Variants in TEAD1 observed in about 807,000 individuals in gnomAD.
TEAD1 encodes TEA domain transcription factor 1.
A neutral mutation model predicts 54.9 loss-of-function variants in TEAD1; 9 were observed. The ratio of observed to expected loss-of-function variants is 0.16; its 90% CI spans 0.10 to 0.29. The LOEUF (loss-of-function observed/expected upper bound fraction) is 0.29. Among genes scored for constraint, TEAD1 ranks in the 10% least tolerant of loss-of-function variants. The probability of loss-of-function intolerance (pLI) is 1.00; values close to 1 mark genes in which losing one functional copy is unlikely to be tolerated. For missense variants in TEAD1, 387 were observed against 535.9 expected (o/e 0.72, Z 2.74); for synonymous variants, 200 against 187.8 (o/e 1.07, Z -0.53).
In TEAD1 at chr11:12,910,279, A is replaced by G. The variant is rs148381532; in HGVS notation, c.873+8166A>G. Reference sequence around the variant, plus strand: ...AGTTTACAGAAGGAAATAAAATTACAGATTTAACCAAATAAGACATGCAAT... The same window carrying G: ...AGTTTACAGAAGGAAATAAAATTACGGATTTAACCAAATAAGACATGCAAT... On this transcript the variant is annotated intron_variant, in intron 10 of 12. Coordinates refer to ENST00000527636, the MANE Select transcript of TEAD1 (RefSeq NM_021961.6). Among the ~76,000 whole-genome samples the G allele has an allele frequency of 7.9e-3, 1,210 of 152,346 alleles. 15 individuals are homozygous for G. The highest frequency in any genetic ancestry group is 0.013 in the Admixed American group (203 of 15,308).
chr11:12,682,451 G>C (rs1943242531), intron 2 of TEAD1, among the ~76,000 whole-genome samples: 1 of 152,176 alleles, frequency 6.6e-6, no homozygotes, highest in African/African-American at 2.4e-5. Flanking sequence ...CTGTCTGGCT[G>C]CTTATAGAGG....
At chr11:12,906,714 C>G (rs771258140) in intron 10 of TEAD1, among the ~76,000 whole-genome samples, 14 of 152,202 alleles carry the variant, frequency 9.2e-5, no homozygotes, top group Non-Finnish European at 1.8e-4. Context: ...CCCCAGGCAA[C>G]TGTGGATCTA....
At chr11:12,718,585 T>C (rs1944114748) in intron 2 of TEAD1, among the ~76,000 whole-genome samples, 1 of 152,180 alleles carries the variant, frequency 6.6e-6, no homozygotes, top group African/African-American at 2.4e-5. Context: ...ACCGTTGCTT[T>C]TTTTTTTGGG....
At chr11:12,844,139 C>T (rs1380124444) in intron 3 of TEAD1, among the ~76,000 whole-genome samples, 3 of 152,114 alleles carry the variant, frequency 2.0e-5, no homozygotes, top group Non-Finnish European at 4.4e-5. Context: ...TTTCACCCAT[C>T]ATGACTTAAA....
chr11:12,835,530 AG>A (rs1946869716), intron 3 of TEAD1, among the ~76,000 whole-genome samples: 1 of 149,798 alleles, frequency 6.7e-6, no homozygotes, highest in Non-Finnish European at 1.5e-5. Flanking sequence ...AATGTTGACC[AG>A]GCTGGTCTCA....
At chr11:12,845,111 C>T (rs1947117475) in intron 3 of TEAD1, among the ~76,000 whole-genome samples, 1 of 151,656 alleles carries the variant, frequency 6.6e-6, no homozygotes, top group Non-Finnish European at 1.5e-5. Context: ...ACTACAGGCA[C>T]CCACTACCAT....
intron 3 of TEAD1, among the ~76,000 whole-genome samples, chr11:12,773,475 G>C (rs983943672): frequency 2.6e-5 from 4 of 152,186 alleles, no homozygotes; most frequent in African/African-American, 9.6e-5. Context: ...GTGTGTAATT[G>C]ATACCTCATG....
intron 3 of TEAD1, among the ~76,000 whole-genome samples, chr11:12,811,663 G>A (rs1280755604): frequency 6.6e-6 from 1 of 152,150 alleles, no homozygotes; most frequent in Non-Finnish European, 1.5e-5. Flanking sequence ...AGCTTGAGGT[G>A]GGACCCAGAA....
chr11:12,736,543 C>T (rs1246793115), intron 2 of TEAD1, among the ~76,000 whole-genome samples: 2 of 152,114 alleles, frequency 1.3e-5, no homozygotes, highest in African/African-American at 4.8e-5. Flanking sequence ...GTCTTTAAAT[C>T]TAAAAAATGT....
At chr11:12,817,633 G>C (rs1348545469) in intron 3 of TEAD1, among the ~76,000 whole-genome samples, 3 of 152,020 alleles carry the variant, frequency 2.0e-5, no homozygotes. Flanking sequence ...TAATATAATT[G>C]ATCCACTGTT....
chr11:12,934,985 C>T (rs1470690835), intron 12 of TEAD1, among the ~76,000 whole-genome samples: 1 of 152,082 alleles, frequency 6.6e-6, no homozygotes, highest in East Asian at 1.9e-4. Flanking sequence ...AAGGAGACAT[C>T]TTTCTGATTA....
At chr11:12,884,879 T>C (rs968161445) in intron 9 of TEAD1, among the ~76,000 whole-genome samples, 1 of 152,236 alleles carries the variant, frequency 6.6e-6, no homozygotes, top group Non-Finnish European at 1.5e-5. Flanking sequence ...TGCGTGACTC[T>C]GTCCTGCTGG....
chr11:12,730,097 G>T (rs1444654190), intron 2 of TEAD1, among the ~76,000 whole-genome samples: 2 of 152,120 alleles, frequency 1.3e-5, no homozygotes, highest in South Asian at 4.1e-4. Context: ...GTATCAGGAG[G>T]TTCATCATAC....
chr11:12,914,170 G>A (rs1208298450), intron 10 of TEAD1, among the ~76,000 whole-genome samples: 2 of 152,226 alleles, frequency 1.3e-5, no homozygotes, highest in Admixed American at 1.3e-4. Context: ...GGAATTTGCA[G>A]TGCAGACGGG....
Position 12,941,541 on chromosome 11 carries a change from G to A in TEAD1, c.*4319G>A, listed in dbSNP as rs1445456840. On this transcript the variant is annotated 3_prime_UTR_variant, in exon 13 of 13. Coordinates refer to ENST00000527636, the MANE Select transcript of TEAD1 (RefSeq NM_021961.6). The stretch of plus-strand genomic sequence containing the variant: ...AGATGACAGTCAATTTTACAAACCA[G>A]GTACATATTAATTTGTATAATTTTG... 6.6e-6 allele frequency: 1 copy of A among 152,480 alleles called. No homozygotes were observed. The highest frequency in any genetic ancestry group is 1.5e-5 in the Non-Finnish European group (1 of 68,026). 9.4% of individuals were successfully genotyped at this position (152,480 alleles called of 1,614,324 possible).
At chr11:12,756,011 A>G (rs1944977391) in intron 2 of TEAD1, among the ~76,000 whole-genome samples, 1 of 152,214 alleles carries the variant, frequency 6.6e-6, no homozygotes, top group African/African-American at 2.4e-5. Context: ...GCTGCATAGC[A>G]TGAAATCAAT....
At position 12,786,887 on chromosome 11, in the gene TEAD1, A is replaced by G. The variant is rs1270651799; in HGVS notation, c.202+22453A>G. On this transcript the variant is annotated intron_variant, in intron 3 of 12. Transcript: ENST00000527636. ...ATGAGGGATTGAGGGGATAAGCCAG[A>G]CAGACATTTGCAGAAGAGTCTTCTA... 2.0e-5 allele frequency among the ~76,000 whole-genome samples: 3 copies of G among 152,344 alleles called. No individual in the cohort carries two copies. The East Asian group carries it at 5.8e-4, about 29-fold the overall frequency.
chr11:12,887,257 C>T (rs927844814), intron 9 of TEAD1, among the ~76,000 whole-genome samples: 15 of 152,006 alleles, frequency 9.9e-5, no homozygotes, highest in South Asian at 6.3e-4. Flanking sequence ...CCACCACGCC[C>T]GGCTAATTTT....
intron 2 of TEAD1, among the ~76,000 whole-genome samples, chr11:12,735,000 TG>T (rs1944500252): frequency 6.6e-6 from 1 of 152,344 alleles, no homozygotes; most frequent in South Asian, 2.1e-4. Flanking sequence ...AGTTTACTTT[TG>T]TGTTGATCAA....
Sources: gnomAD v4.1 joint callset for allele counts (sites outside exome capture counted in the v4.1 genomes callset) on GRCh38, gnomAD v4.1.1 for gene constraint, MANE v1.5 for transcripts, NCBI Gene and HGNC (gene_info 2026-07-23, HGNC 2026-07-21) for gene names.